Variants in VPS13D observed in about 807,000 individuals in gnomAD.
VPS13D encodes intermembrane lipid transfer protein VPS13D.
In VPS13D, 187 loss-of-function variants were observed where a neutral mutation model predicts 461.9. The ratio of observed to expected loss-of-function variants is 0.40; its 90% CI spans 0.36 to 0.46. The LOEUF is 0.46. Ranked by LOEUF, VPS13D falls within the 20% of genes least tolerant of loss-of-function variation. The pLI is 0.60. For synonymous variants in VPS13D, 1,951 were observed against 1,986.3 expected (o/e 0.98, Z 0.47); for missense variants, 4,711 against 5,364.9 (o/e 0.88, Z 3.81).
Position 12,262,007 on chromosome 1 carries a change from A to G in VPS13D, c.1521A>G (p.Thr507=), listed in dbSNP as rs143306644. 5 of 1,614,084 alleles carry G rather than the reference A, an allele frequency of 3.1e-6. No homozygotes were observed. In the African/African-American group the frequency reaches 4.0e-5, roughly 13 times the overall value. The change falls in exon 13 of 70, where the codon ACA becomes ACG. Residue 507 remains threonine, a synonymous_variant. Coordinates refer to ENST00000620676, the MANE Select transcript of VPS13D (RefSeq NM_015378.4). ...AKLNLQLQRG[T]VTLLHKEQGT... ...TGAATTTGCAGTTGCAGCGAGGTAC[A>G]GTGACTCTGTTACACAAGGAGCAAG...
At position 12,405,362 on chromosome 1, in the gene VPS13D, T is replaced by C. The variant is rs532687880; in HGVS notation, c.12030+1389T>C. On this transcript the variant is annotated intron_variant, in intron 63 of 69. Transcript: ENST00000620676. The stretch of plus-strand genomic sequence containing the variant: ...AACCTTGTGGGCCTAACAAAACACA[T>C]GTGTGGGCCTCATGTGGCCGTGTCT... Among the ~76,000 whole-genome samples, 37 of 152,330 alleles carry C rather than the reference T, an allele frequency of 2.4e-4. No homozygotes were observed. In the South Asian group the frequency reaches 6.4e-3, roughly 26 times the overall value.
At chr1:12,301,268 A>G (rs1642417296) in intron 25 of VPS13D, among the ~76,000 whole-genome samples, 1 of 152,188 alleles carries the variant, frequency 6.6e-6, no homozygotes, top group Non-Finnish European at 1.5e-5. Flanking sequence ...ACTTGGAGTT[A>G]GCTTAAGACC....
At chr1:12,327,300 C>G (rs1643214932) in intron 35 of VPS13D, among the ~76,000 whole-genome samples, 1 of 152,178 alleles carries the variant, frequency 6.6e-6, no homozygotes, top group Non-Finnish European at 1.5e-5. Context: ...TCTGGATCCT[C>G]TCCTGTCCTC....
At chr1:12,329,762 T>G in intron 36 of VPS13D, 67 bp from the exon 37 acceptor site, 1 of 1,166,560 alleles carries the variant, frequency 8.6e-7, no homozygotes, top group Non-Finnish European at 1.3e-6. Context: ...TTCTTTAATG[T>G]CATCAGCAAA....
At chr1:12,448,887 A>G (rs475983) in intron 65 of VPS13D, among the ~76,000 whole-genome samples, 41,066 of 152,226 alleles carry the variant, frequency 0.27, 6,179 homozygotes, top group South Asian at 0.38. Context: ...GAGTTGCAGA[A>G]TAGCAAGAGA....
At chr1:12,340,412 A>G (rs1276892399) in intron 40 of VPS13D, among the ~76,000 whole-genome samples, 1 of 152,180 alleles carries the variant, frequency 6.6e-6, no homozygotes, top group African/African-American at 2.4e-5. Flanking sequence ...TTGACCCAAA[A>G]TTGCTTGGTT....
At chr1:12,254,513 CT>C (rs1017635589) in intron 7 of VPS13D, among the ~76,000 whole-genome samples, 296 of 78,206 alleles carry the variant, frequency 3.8e-3, no homozygotes, top group African/African-American at 0.012. Flanking sequence ...AAATCTCAAT[CT>C]TTTTTTTTTT....
intron 46 of VPS13D, among the ~76,000 whole-genome samples, chr1:12,351,579 C>T (rs376918080): frequency 1.8e-4 from 25 of 141,616 alleles, no homozygotes; most frequent in East Asian, 1.5e-3. Flanking sequence ...CGTGAGCCAC[C>T]GTGCCCAGCC....
chr1:12,487,797 C>T (rs577565994), intron 67 of VPS13D, among the ~76,000 whole-genome samples: 13 of 152,170 alleles, frequency 8.5e-5, no homozygotes, highest in East Asian at 3.9e-4. Flanking sequence ...TCATTGTCAG[C>T]GGTTGTACGT....
At chr1:12,270,926 G>A in intron 16 of VPS13D, 68 bp from the exon 17 acceptor site, 6 of 1,567,898 alleles carry the variant, frequency 3.8e-6, no homozygotes, top group Non-Finnish European at 2.6e-6. Flanking sequence ...GGTGAGAATT[G>A]ATGTAGCACT....
intron 2 of VPS13D, 136 bp downstream of exon 2, chr1:12,234,499 A>G: frequency 1.8e-6 from 1 of 559,216 alleles, no homozygotes; most frequent in Non-Finnish European, 3.1e-6. Context: ...GTCCCATATC[A>G]TCCTGATGAT....
At chr1:12,486,643 C>G (rs899592374) in intron 67 of VPS13D, among the ~76,000 whole-genome samples, 1 of 152,216 alleles carries the variant, frequency 6.6e-6, no homozygotes, top group African/African-American at 2.4e-5. Flanking sequence ...AGTGTCCCCC[C>G]CACGTTGGAA....
chr1:12,345,348 A>G, intron 42 of VPS13D, 26 bp from the exon 43 acceptor site: 1 of 1,593,192 alleles, frequency 6.3e-7, no homozygotes, highest in South Asian at 1.1e-5. Context: ...TGTGCCTAAT[A>G]TCTTTTTCTT....
At chr1:12,344,898 C>T (rs1048869160) in intron 42 of VPS13D, 1 of 154,236 alleles carries the variant, frequency 6.5e-6, no homozygotes, top group Non-Finnish European at 1.4e-5. Flanking sequence ...CGCTGTGCCT[C>T]TCCTGCCCTG....
chr1:12,368,333 A>G, intron 52 of VPS13D, 135 bp from the exon 53 acceptor site: 1 of 1,025,772 alleles, frequency 9.7e-7, no homozygotes. Flanking sequence ...ATGGAGGAAC[A>G]CACAGTGGGC....
At chr1:12,264,307 A>G (rs1487160703) in intron 13 of VPS13D, among the ~76,000 whole-genome samples, 2 of 152,248 alleles carry the variant, frequency 1.3e-5, no homozygotes, top group Non-Finnish European at 2.9e-5. Context: ...GAAGAGTCAC[A>G]TGTCTCTCAC....
At chr1:12,309,526 G>A (rs989096784) in intron 27 of VPS13D, among the ~76,000 whole-genome samples, 20 of 151,016 alleles carry the variant, frequency 1.3e-4, no homozygotes, top group Non-Finnish European at 1.3e-4. Flanking sequence ...TTGGGAGGTC[G>A]AGGCGGCAGA....
At chr1:12,381,922 T>TTTTTTTC (rs1553185973) in intron 57 of VPS13D, among the ~76,000 whole-genome samples, 1 of 101,168 alleles carries the variant, frequency 9.9e-6, no homozygotes, top group Admixed American at 1.2e-4. Context: ...CTTTCTTTTC[T>TTTTTTTC]TTTCTTTCTT....
intron 2 of VPS13D, among the ~76,000 whole-genome samples, chr1:12,238,536 T>C (rs1186344941): frequency 6.6e-6 from 1 of 151,944 alleles, no homozygotes; most frequent in African/African-American, 2.4e-5. Context: ...ATTGAGAAAC[T>C]AATATTATTT....
Sources: gnomAD v4.1 joint callset for allele counts (sites outside exome capture counted in the v4.1 genomes callset) on GRCh38, gnomAD v4.1.1 for gene constraint, MANE v1.5 for transcripts, NCBI Gene and HGNC (gene_info 2026-07-23, HGNC 2026-07-21) for gene names.